The following UBR4 variants were observed in gnomAD, a reference collection of about 807,000 sequenced individuals.
UBR4 encodes ubiquitin protein ligase E3 component n-recognin 4.
UBR4 carries 124 observed loss-of-function variants against 575.6 expected under a neutral mutation model. The observed-to-expected ratio is 0.22, with a 90% CI of 0.19 to 0.25. The LOEUF is 0.25. Among genes scored for constraint, UBR4 ranks in the 10% least tolerant of loss-of-function variants. The probability of loss-of-function intolerance (pLI) is 1.00; values close to 1 mark genes in which losing one functional copy is unlikely to be tolerated. For missense variants in UBR4, 4,818 were observed against 6,478.8 expected (o/e 0.74, Z 8.80); for synonymous variants, 2,455 against 2,473.7 (o/e 0.99, Z 0.22).
rs575153903 is a variant in UBR4, at chr1:19,167,815, T to C, written c.3899+212A>G. Among the ~76,000 whole-genome samples the C allele has an allele frequency of 4.0e-3, 604 of 152,316 alleles. 4 individuals are homozygous for C. The highest frequency in any genetic ancestry group is 0.013 in the African/African-American group (537 of 41,572). On this transcript the variant is annotated intron_variant, in intron 28 of 105. Coordinates refer to ENST00000375254, the MANE Select transcript of UBR4 (RefSeq NM_020765.3). The stretch of plus-strand genomic sequence containing the variant: ...AAGCCAGCAAGTCTTTTCTGAAAAA[T>C]ACTACACAAAGGAGGAAGTACTCTA...
chr1:19,130,393 G>A lies in UBR4; in HGVS notation c.8907-1319C>T, dbSNP rs111905552. ...CAAAAAATTTAAAAATTAGCCAGACGTGGTGCCATGTGCCTGTAGTCCTGC... is the reference window on the plus strand; with the variant it reads ...CAAAAAATTTAAAAATTAGCCAGACATGGTGCCATGTGCCTGTAGTCCTGC... On this transcript the variant is annotated intron_variant, in intron 60 of 105. Transcript: ENST00000375254. Among the ~76,000 whole-genome samples the A allele has an allele frequency of 7.8e-3, 1,186 of 152,192 alleles. 20 individuals carry two copies. The highest frequency in any genetic ancestry group is 0.067 in the East Asian group (349 of 5,178).
rs372591429 is a variant in UBR4 at position 19,169,424 on chromosome 1, T to C, written c.3741+11A>G. The C allele has an allele frequency of 9.9e-5, 160 of 1,609,678 alleles. No homozygotes were observed. The highest frequency in any genetic ancestry group is 4.5e-4 in the African/African-American group (34 of 74,800). ...CTCAGTATTTCTACCCTGGAACAGA[T>C]AGGGACTCACCCAGGATCCAATATT... On this transcript the variant is annotated intron_variant, in intron 27 of 105. Transcript: ENST00000375254.
chr1:19,076,314 C>T (rs2075935270), intron 105 of UBR4, among the ~76,000 whole-genome samples: 2 of 152,176 alleles, frequency 1.3e-5, no homozygotes, highest in Non-Finnish European at 2.9e-5. Context: ...AAGACAGGGG[C>T]ATTCCAATTT....
chr1:19,143,091 A>G (rs2084164896), intron 55 of UBR4, among the ~76,000 whole-genome samples: 2 of 151,552 alleles, frequency 1.3e-5, no homozygotes, highest in Non-Finnish European at 2.9e-5. Context: ...CTCTGAAAAA[A>G]GACGAGAGAG....
chr1:19,209,955 G>A, intron 1 of UBR4, 118 bp downstream of exon 1: 1 of 1,339,138 alleles, frequency 7.5e-7, no homozygotes, highest in Non-Finnish European at 9.6e-7. Flanking sequence ...CCGAAGCCGT[G>A]GCTGTGGCGG....
At position 19,139,698 on chromosome 1, in the gene UBR4, G is replaced by A. The variant is rs2083616823; in HGVS notation, c.8594-478C>T. On this transcript the variant is annotated intron_variant, in intron 58 of 105. Coordinates refer to ENST00000375254, the MANE Select transcript of UBR4 (RefSeq NM_020765.3). The surrounding 1 kb of genome is among the most constrained non-coding windows in gnomAD (Gnocchi z 4.2). ...CTTGTTTTGAAATCAGTCAAGTTTTGCTTATGTTAGGAAATCACTTAGCAT... is the reference window on the plus strand; with the variant it reads ...CTTGTTTTGAAATCAGTCAAGTTTTACTTATGTTAGGAAATCACTTAGCAT... Among the ~76,000 whole-genome samples the A allele has an allele frequency of 6.6e-6, 1 of 152,184 alleles. No homozygotes were observed. Among genetic ancestry groups the A allele is most frequent in the Admixed American group, 6.5e-5 (1 of 15,274 alleles).
intron 20 of UBR4, among the ~76,000 whole-genome samples, chr1:19,176,090 AT>A (rs796084273): frequency 9.8e-4 from 141 of 143,178 alleles, no homozygotes; most frequent in Non-Finnish European, 1.1e-3. Context: ...CTCAGCCTCA[AT>A]TTTTTTTTTT....
intron 50 of UBR4, 143 bp from the exon 51 acceptor site, chr1:19,148,270 GT>G: frequency 9.5e-7 from 1 of 1,058,164 alleles, no homozygotes; most frequent in East Asian, 2.7e-5. Flanking sequence ...AAAAAAAAAA[GT>G]TTCAGAAATT....
rs749731854 is a variant in UBR4 at position 19,126,601 on chromosome 1, C to T, written c.9283G>A (p.Val3095Met). 1 of 1,614,116 alleles carries T rather than the reference C, an allele frequency of 6.2e-7. No homozygotes were observed. The highest frequency in any genetic ancestry group is 8.5e-7 in the Non-Finnish European group (1 of 1,180,036). ...TAAALLSSGA[V>M]DYCLHVLKSL... ...TTGAGCACGTGCAGGCAGTAGTCCA[C>T]AGCCCCAGAGCTCAGTAGAGCTGCT... The change falls in exon 64 of 106, where the codon GTG (valine) becomes ATG (methionine). Residue 3095 changes from valine to methionine, a missense_variant. Val to Met is a conservative substitution (Grantham distance 21). Coordinates refer to ENST00000375254, the MANE Select transcript of UBR4 (RefSeq NM_020765.3).
At chr1:19,115,195 A>G (rs79834464) in intron 74 of UBR4, among the ~76,000 whole-genome samples, 71 of 67,398 alleles carry the variant, frequency 1.1e-3, no homozygotes, top group Admixed American at 2.0e-3. Context: ...ACTCGTGTGC[A>G]CATGCACACA....
At chr1:19,137,045 T>C (rs1284640066) in intron 60 of UBR4, among the ~76,000 whole-genome samples, 1 of 152,066 alleles carries the variant, frequency 6.6e-6, no homozygotes, top group Non-Finnish European at 1.5e-5. Context: ...ACACCTGTAA[T>C]CCCAGCACTT....
intron 58 of UBR4, 69 bp downstream of exon 58, chr1:19,140,719 T>C: frequency 1.4e-6 from 2 of 1,475,102 alleles, no homozygotes; most frequent in Non-Finnish European, 1.9e-6. Flanking sequence ...CATTACACTC[T>C]CACAGCAGTG....
At chr1:19,118,417 C>T (rs1373079026) in intron 71 of UBR4, 2 of 154,568 alleles carry the variant, frequency 1.3e-5, no homozygotes, top group African/African-American at 5.2e-5. Context: ...AAACTAAAGA[C>T]CTTTTTTTTT....
Position 19,177,614 on chromosome 1 carries a change from G to C in UBR4, c.2484C>G (p.Ala828=). 6.2e-7 allele frequency: 1 copy of C among 1,613,982 alleles called. No homozygotes were observed. The highest frequency in any genetic ancestry group is 1.1e-5 in the South Asian group (1 of 91,050). Residue 828 remains alanine, a synonymous_variant, in exon 19 of 106, where the codon GCC becomes GCG. Coordinates refer to ENST00000375254, the MANE Select transcript of UBR4 (RefSeq NM_020765.3). ...TGATCTGGACAAAAAGCGACAATAT[G>C]GCCCGCCGGCCTGTCTCGGTGAAAT... The part of the protein sequence containing the change: ...FHNFTETGRR[A]ILSLFVQIIQ...
chr1:19,165,641 C>G lies in UBR4; in HGVS notation c.4211+15G>C, dbSNP rs2088218245. 6.2e-7 allele frequency: 1 copy of G among 1,610,254 alleles called. No individual in the cohort carries two copies. Among genetic ancestry groups the G allele is most frequent in the Non-Finnish European group, 8.5e-7 (1 of 1,178,686 alleles). ...TTCAAAAAATATTCACTGAATAAAG[C>G]AAAACACGGCTCACCTGTCAGAGAA... On this transcript the variant is annotated intron_variant, in intron 30 of 105. Coordinates refer to ENST00000375254, the MANE Select transcript of UBR4 (RefSeq NM_020765.3).
Position 19,093,424 on chromosome 1 carries a change from G to A in UBR4, c.14000C>T (p.Ala4667Val). The change falls in exon 96 of 106, where the codon GCT becomes GTT. Residue 4667 changes from alanine (A) to valine (V), a missense_variant. This residue lies in a region of UBR4 where 165 missense variants were observed against 282.3 expected (regional missense o/e 0.58). Coordinates refer to ENST00000375254, the MANE Select transcript of UBR4 (RefSeq NM_020765.3). The surrounding 1 kb of genome is among the most constrained non-coding windows in gnomAD (Gnocchi z 4.8). Reference protein sequence around the residue: ...VFLDCFCKIAAGIKNNSNGHQ... With the variant: ...VFLDCFCKIAVGIKNNSNGHQ... ...CCCATTGCTGTTGTTCTTGATGCCA[G>A]CAGCTATTTTACAGAAGCAGTCCAG... 1 of 1,614,190 alleles carries A rather than the reference G, an allele frequency of 6.2e-7. No homozygotes were observed. Among genetic ancestry groups the A allele is most frequent in the Non-Finnish European group, 8.5e-7 (1 of 1,180,028 alleles).
rs772359756 is a variant in UBR4 at position 19,110,422 on chromosome 1, T to C, written c.11935A>G (p.Ile3979Val). 5.9e-5 allele frequency: 96 copies of C among 1,614,034 alleles called. 2 individuals are homozygous for C. The Middle Eastern group carries it at 6.6e-4, about 11-fold the overall frequency. The change falls in exon 80 of 106, where the codon ATC becomes GTC. Residue 3979 changes from isoleucine to valine, a missense_variant. Around this residue, in one of 29 missense-constraint regions of UBR4, gnomAD observed 333 missense variants for 459.2 expected, o/e 0.73. Coordinates refer to ENST00000375254, the MANE Select transcript of UBR4 (RefSeq NM_020765.3). The surrounding 1 kb of genome is among the most constrained non-coding windows in gnomAD (Gnocchi z 4.5). ...TCCCAGCAGCTGTCCTCCTTGGAGA[T>C]AGAATCCGTCAGCAGCAGCATTTCA... ...QYEMLLLTDS[I>V]SKEDSCWELR...
At chr1:19,149,288 A>G (rs1382681563) in intron 49 of UBR4, among the ~76,000 whole-genome samples, 4 of 152,186 alleles carry the variant, frequency 2.6e-5, no homozygotes, top group African/African-American at 9.7e-5. Context: ...AAAGAACAAC[A>G]TCCTGACAGC....
At chr1:19,095,174 G>T in intron 93 of UBR4, 149 bp from the exon 94 acceptor site, 1 of 1,214,840 alleles carries the variant, frequency 8.2e-7, no homozygotes, top group Non-Finnish European at 1.2e-6. Context: ...GTATATGCAT[G>T]TTCTGAGAGG....
Sources: allele counts gnomAD v4.1 joint callset (sites outside exome capture counted in the v4.1 genomes callset), GRCh38; gene constraint gnomAD v4.1.1; regional missense constraint gnomAD v4.1.1; non-coding constraint Gnocchi (gnomAD v3.1); transcripts MANE v1.5; gene names NCBI Gene and HGNC (gene_info 2026-07-23, HGNC 2026-07-21).